The following LRP1 variants were observed in gnomAD, a reference collection of about 807,000 sequenced individuals.
LRP1 encodes the protein prolow-density lipoprotein receptor-related protein 1.
Under a neutral mutation model 541.5 loss-of-function variants are expected in LRP1, and 51 were observed. The observed-to-expected ratio is 0.09, with a 90% CI of 0.08 to 0.12. The LOEUF is 0.12. Ranked by LOEUF, LRP1 falls within the 10% of genes least tolerant of loss-of-function variation. The pLI is 1.00. For missense variants in LRP1, 3,878 were observed against 6,376.2 expected, an observed-to-expected ratio of 0.61 and a Z score of 13.34; for synonymous variants, 2,219 against 2,470.8, an observed-to-expected ratio of 0.90 and a Z score of 3.02.
At chr12:57,208,247 G>A in intron 77 of LRP1, 31 bp downstream of exon 77, 2 of 1,602,666 alleles carry the variant, frequency 1.2e-6, no homozygotes, top group South Asian at 2.2e-5. Context: ...GAGGCCTCTG[G>A]GCTGGTGGTA....
intron 41 of LRP1, among the ~76,000 whole-genome samples, chr12:57,186,706 A>G (rs1464006805): frequency 6.6e-6 from 1 of 152,200 alleles, no homozygotes; most frequent in African/African-American, 2.4e-5. Context: ...AGACCCCTGG[A>G]AGGGATGTCC....
At position 57,195,987 on chromosome 12, in the gene LRP1, A is replaced by G; in HGVS notation, c.8685A>G (p.Pro2895=). 1 of 1,613,018 alleles carries G rather than the reference A, an allele frequency of 6.2e-7. No individual in the cohort carries two copies. The highest frequency in any genetic ancestry group is 1.1e-5 in the South Asian group (1 of 91,078). Residue 2895 remains proline (P), a synonymous_variant, in exon 54 of 89, where the codon CCA becomes CCG. Coordinates refer to ENST00000243077, the MANE Select transcript of LRP1 (RefSeq NM_002332.3). The part of the protein sequence containing the change: ...HDQSDEAPKN[P]HCTSQEHKCN... ...AGAGTGACGAGGCTCCCAAGAACCC[A>G]CACTGCACCAGCCAAGGTGGGCCCC...
chr12:57,135,720 C>G (rs1299234315), intron 1 of LRP1, among the ~76,000 whole-genome samples: 2 of 152,208 alleles, frequency 1.3e-5, no homozygotes, highest in East Asian at 3.9e-4. Context: ...TTGTCCCATC[C>G]CCCATCCCCT....
At chr12:57,149,425 C>T (rs531686627) in intron 6 of LRP1, 19 of 580,980 alleles carry the variant, frequency 3.3e-5, no homozygotes, top group Admixed American at 9.2e-5. Context: ...TCTCCTCCCC[C>T]GCTGTCTCCT....
chr12:57,212,495 C>T lies in LRP1; in HGVS notation c.13575C>T (p.Asp4525=), dbSNP rs755861755. The change falls in exon 89 of 89, where the codon GAC becomes GAT. Residue 4525 remains aspartate, a synonymous_variant. Transcript: ENST00000243077. The surrounding 1 kb of genome is among the most constrained non-coding windows in gnomAD (Gnocchi z 5.0). ...GTCGCCACTCCCTGGCCAGCACGGA[C>T]GAGAAGCGAGAACTCCTGGGCCGGG... ...HGSRHSLAST[D]EKRELLGRGP... is the part of the protein sequence containing the mutation. The T allele has an allele frequency of 4.9e-5, 79 of 1,613,852 alleles. No individual in the cohort carries two copies. In the South Asian group the frequency reaches 4.9e-4, roughly 10 times the overall value.
In LRP1 at chr12:57,166,112, C is replaced by T; in HGVS notation, c.2700C>T (p.Phe900=). ...AGCACACCTGCCCCTCGGACCGATTCAAGTGCGAGAACAACCGGTGCATCC... is the reference window on the plus strand; with the variant it reads ...AGCACACCTGCCCCTCGGACCGATTTAAGTGCGAGAACAACCGGTGCATCC... ...CHQHTCPSDR[F]KCENNRCIPN... The change falls in exon 17 of 89, where the codon TTC becomes TTT. Residue 900 remains phenylalanine (F), a synonymous_variant. Coordinates refer to ENST00000243077, the MANE Select transcript of LRP1 (RefSeq NM_002332.3). 1 of 1,614,258 alleles carries T rather than the reference C, an allele frequency of 6.2e-7. No homozygotes were observed. The highest frequency in any genetic ancestry group is 1.1e-5 in the South Asian group (1 of 91,088).
At chr12:57,181,124 A>G (rs1260237337) in intron 33 of LRP1, 33 bp from the exon 34 acceptor site, 2 of 1,604,896 alleles carry the variant, frequency 1.2e-6, no homozygotes, top group South Asian at 1.1e-5. Context: ...AGGGCCACCT[A>G]ACCCTTTCCC....
intron 44 of LRP1, 100 bp from the exon 45 acceptor site, chr12:57,192,745 C>G: frequency 6.6e-7 from 1 of 1,521,986 alleles, no homozygotes; most frequent in Non-Finnish European, 9.0e-7. Flanking sequence ...TGAGCAGAGG[C>G]TTGGGAGCTC....
Position 57,211,192 on chromosome 12 carries a change from C to T in LRP1, c.12933C>T (p.Tyr4311=). The T allele has an allele frequency of 6.2e-7, 1 of 1,614,234 alleles. No homozygotes were observed. Among genetic ancestry groups the T allele is most frequent in the Non-Finnish European group, 8.5e-7 (1 of 1,180,040 alleles). Residue 4311 remains tyrosine, a synonymous_variant, in exon 84 of 89, where the codon TAC becomes TAT. Coordinates refer to ENST00000243077, the MANE Select transcript of LRP1 (RefSeq NM_002332.3). The surrounding 1 kb of genome is among the most constrained non-coding windows in gnomAD (Gnocchi z 4.3). The part of the protein sequence containing the change: ...DRCQYRQCSG[Y]CENFGTCQMA... ...CAACCACAGGGCAGTGCTCTGGCTA[C>T]TGTGAGAACTTTGGCACATGCCAGA...
chr12:57,143,860 G>A, intron 4 of LRP1, 62 bp downstream of exon 4: 1 of 1,547,296 alleles, frequency 6.5e-7, no homozygotes, highest in Non-Finnish European at 8.8e-7. Context: ...AGGTGGGCAG[G>A]GAGGGGCAGA....
intron 6 of LRP1, among the ~76,000 whole-genome samples, chr12:57,147,049 C>G (rs562756710): frequency 5.9e-5 from 9 of 152,242 alleles, no homozygotes. Flanking sequence ...GACTTCCTCC[C>G]CAGGAGAAGC....
At chr12:57,141,909 T>A (rs1053580479) in intron 3 of LRP1, among the ~76,000 whole-genome samples, 3 of 152,198 alleles carry the variant, frequency 2.0e-5, no homozygotes, top group African/African-American at 7.2e-5. Flanking sequence ...GTGCTGTGAC[T>A]AAAGCTTAGC....
intron 6 of LRP1, chr12:57,149,276 C>T (rs2035479393): frequency 6.8e-6 from 3 of 443,312 alleles, no homozygotes; most frequent in African/African-American, 2.0e-5. Context: ...ACTCTTTGGC[C>T]TTAGGCCCCC....
At position 57,208,814 on chromosome 12, in the gene LRP1, A is replaced by G. The variant is rs1476960345; in HGVS notation, c.12142A>G (p.Thr4048Ala). 3.1e-6 allele frequency: 5 copies of G among 1,613,270 alleles called. No individual in the cohort carries two copies. Among genetic ancestry groups the G allele is most frequent in the Non-Finnish European group, 4.2e-6 (5 of 1,179,454 alleles). ...GGTGCAGGACAACATTCAGTGGCCC[A>G]CAGGTTTGTGGGGCAGGGTGCAGGA... ...TLVQDNIQWP[T>A]GLAVDYHNER... The change falls in exon 78 of 89, where the codon ACA (threonine) becomes GCA (alanine). Residue 4048 changes from threonine to alanine, a missense_variant. Thr to Ala is a moderately conservative substitution (Grantham distance 58). Coordinates refer to ENST00000243077, the MANE Select transcript of LRP1 (RefSeq NM_002332.3).
intron 20 of LRP1, among the ~76,000 whole-genome samples, chr12:57,172,080 G>A (rs932245487): frequency 1.5e-5 from 2 of 137,626 alleles, no homozygotes; most frequent in Admixed American, 1.5e-4. Flanking sequence ...TTTTTTTTGA[G>A]ATGGAGTCTC....
chr12:57,150,631 C>T (rs775927772), intron 6 of LRP1, among the ~76,000 whole-genome samples: 7 of 152,044 alleles, frequency 4.6e-5, no homozygotes, highest in Non-Finnish European at 8.8e-5. Flanking sequence ...GCTGGAGGCA[C>T]AGAGGGCGAC....
At position 57,162,543 on chromosome 12, in the gene LRP1, C is replaced by T. The variant is rs757304449; in HGVS notation, c.2404+25C>T. The T allele has an allele frequency of 6.8e-6, 11 of 1,611,894 alleles. No homozygotes were observed. The highest frequency in any genetic ancestry group is 3.3e-5 in the Admixed American group (2 of 59,982). On this transcript the variant is annotated intron_variant, in intron 14 of 88. Coordinates refer to ENST00000243077, the MANE Select transcript of LRP1 (RefSeq NM_002332.3). This position sits in a 1 kb window ranked among gnomAD's most constrained non-coding sequence, Gnocchi z 5.2. Reference sequence around the variant, plus strand: ...GGTACCTCCTTGGGGCTGGGGGCAGCGTGGGACCTGGAAGGGGTGGTGGGA... The same window carrying T: ...GGTACCTCCTTGGGGCTGGGGGCAGTGTGGGACCTGGAAGGGGTGGTGGGA...
intron 17 of LRP1, 114 bp from the exon 18 acceptor site, chr12:57,166,816 A>G: frequency 1.4e-6 from 1 of 698,496 alleles, no homozygotes; most frequent in East Asian, 2.5e-5. Flanking sequence ...TCTAAGAGAA[A>G]TGGTTTTGGA....
chr12:57,152,458 G>A (rs2035544109), intron 6 of LRP1, among the ~76,000 whole-genome samples: 1 of 152,210 alleles, frequency 6.6e-6, no homozygotes, highest in South Asian at 2.1e-4. Context: ...AGGGGATGCA[G>A]GCAGGTCCCT....
Sources: allele counts gnomAD v4.1 joint callset (sites outside exome capture counted in the v4.1 genomes callset), GRCh38; gene constraint gnomAD v4.1.1; non-coding constraint Gnocchi (gnomAD v3.1); transcripts MANE v1.5; gene names NCBI Gene and HGNC (gene_info 2026-07-23, HGNC 2026-07-21).